Variants in LRRTM4 observed in about 807,000 individuals in gnomAD.
LRRTM4 encodes leucine-rich repeat transmembrane neuronal protein 4.
Under a neutral mutation model 47.6 loss-of-function variants are expected in LRRTM4, and 25 were observed. The observed-to-expected ratio is 0.53, with a 90% CI of 0.38 to 0.73. LRRTM4 has a LOEUF of 0.73. LRRTM4 is among the 30% of genes least tolerant of loss of function. LRRTM4 has a pLI of 0.00. For synonymous variants in LRRTM4, 311 were observed against 269.5 expected (o/e 1.15, Z -1.51); for missense variants, 638 against 713.4 (o/e 0.89, Z 1.20).
intron 3 of LRRTM4, among the ~76,000 whole-genome samples, chr2:76,900,057 A>G (rs1251957865): frequency 6.6e-6 from 1 of 152,026 alleles, no homozygotes; most frequent in African/African-American, 2.4e-5. Flanking sequence ...GGTGAAACCC[A>G]GTCTCTACTA....
chr2:77,510,731 C>A (rs903017568), intron 3 of LRRTM4, among the ~76,000 whole-genome samples: 5 of 151,862 alleles, frequency 3.3e-5, no homozygotes, highest in African/African-American at 4.8e-5. Context: ...AGCAACTCAT[C>A]CATGTTTATC....
intron 3 of LRRTM4, among the ~76,000 whole-genome samples, chr2:77,022,901 C>T (rs1254283970): frequency 2.6e-5 from 4 of 152,298 alleles, no homozygotes; most frequent in Middle Eastern, 6.8e-3. Flanking sequence ...GCTCTCTTCT[C>T]ACAGCTCCAC....
At chr2:76,756,425 A>C (rs768098387) in intron 3 of LRRTM4, among the ~76,000 whole-genome samples, 16 of 152,090 alleles carry the variant, frequency 1.1e-4, no homozygotes, top group Admixed American at 5.9e-4. Flanking sequence ...CCTAGTGACC[A>C]CTTACTCAAG....
At chr2:77,352,297 AC>A (rs760304878) in intron 3 of LRRTM4, among the ~76,000 whole-genome samples, 7 of 152,110 alleles carry the variant, frequency 4.6e-5, no homozygotes, top group Non-Finnish European at 1.0e-4. Context: ...TTGATGTATA[AC>A]CCATCAGATG....
At chr2:76,860,539 A>T (rs530546448) in intron 3 of LRRTM4, among the ~76,000 whole-genome samples, 4 of 152,124 alleles carry the variant, frequency 2.6e-5, no homozygotes, top group African/African-American at 4.8e-5. Context: ...TCCTTCACTT[A>T]AAGAATTTTG....
At chr2:77,403,366 G>T (rs1432506040) in intron 3 of LRRTM4, among the ~76,000 whole-genome samples, 3 of 151,818 alleles carry the variant, frequency 2.0e-5, no homozygotes, top group Non-Finnish European at 4.4e-5. Context: ...ACTTCTTTGA[G>T]GCCAGGAGCT....
chr2:77,128,658 A>G (rs938594938), intron 3 of LRRTM4, among the ~76,000 whole-genome samples: 1 of 152,146 alleles, frequency 6.6e-6, no homozygotes, highest in Non-Finnish European at 1.5e-5. Flanking sequence ...ATGAGACGAA[A>G]TCTCACTCTT....
intron 3 of LRRTM4, among the ~76,000 whole-genome samples, chr2:76,945,326 G>A (rs771045609): frequency 2.8e-4 from 42 of 151,974 alleles, no homozygotes; most frequent in Non-Finnish European, 4.0e-4. Flanking sequence ...TATATTTATC[G>A]GTCTCAGAGT....
At chr2:77,465,800 G>A (rs1676960222) in intron 3 of LRRTM4, among the ~76,000 whole-genome samples, 1 of 152,072 alleles carries the variant, frequency 6.6e-6, no homozygotes, top group South Asian at 2.1e-4. Context: ...TTTCTGTTTG[G>A]ATTTATTTAT....
intron 3 of LRRTM4, among the ~76,000 whole-genome samples, chr2:77,197,999 C>A (rs1270881913): frequency 6.6e-6 from 1 of 152,140 alleles, no homozygotes; most frequent in Non-Finnish European, 1.5e-5. Context: ...ACATGCACGA[C>A]TTTATGTTGA....
intron 3 of LRRTM4, among the ~76,000 whole-genome samples, chr2:77,516,452 T>C (rs1679210604): frequency 6.6e-6 from 1 of 151,776 alleles, no homozygotes; most frequent in Admixed American, 6.6e-5. Flanking sequence ...TCTTGGTGAT[T>C]CTTAAACATA....
chr2:76,874,723 T>C (rs1007337620), intron 3 of LRRTM4, among the ~76,000 whole-genome samples: 2 of 151,924 alleles, frequency 1.3e-5, no homozygotes, highest in African/African-American at 4.8e-5. Flanking sequence ...TCATGACTTC[T>C]TCAGAATAAA....
intron 3 of LRRTM4, among the ~76,000 whole-genome samples, chr2:77,347,179 G>A (rs1463677626): frequency 1.3e-5 from 2 of 152,272 alleles, no homozygotes; most frequent in East Asian, 3.9e-4. Context: ...ACCTTAAAGC[G>A]ATAGTTTTGA....
intron 3 of LRRTM4, among the ~76,000 whole-genome samples, chr2:76,980,782 G>C (rs903600123): frequency 3.3e-5 from 5 of 152,044 alleles, no homozygotes; most frequent in African/African-American, 1.2e-4. Flanking sequence ...AGAAATGCCG[G>C]ATGTACTGAT....
chr2:77,111,605 A>G (rs1292314336), intron 3 of LRRTM4, among the ~76,000 whole-genome samples: 2 of 151,934 alleles, frequency 1.3e-5, no homozygotes, highest in Non-Finnish European at 2.9e-5. Context: ...ACCCCATCCT[A>G]CTTGGTCCTT....
intron 3 of LRRTM4, among the ~76,000 whole-genome samples, chr2:77,161,833 A>G (rs1456646803): frequency 6.6e-6 from 1 of 152,090 alleles, no homozygotes; most frequent in African/African-American, 2.4e-5. Context: ...AATGCAAATG[A>G]TTAAAACTCT....
chr2:76,931,962 T>C (rs1404147828), intron 3 of LRRTM4, among the ~76,000 whole-genome samples: 6 of 151,980 alleles, frequency 3.9e-5, no homozygotes, highest in African/African-American at 9.7e-5. Flanking sequence ...AAAAACAGGG[T>C]TTTAAGACTA....
At chr2:76,881,579 T>C (rs1672930871) in intron 3 of LRRTM4, among the ~76,000 whole-genome samples, 1 of 152,110 alleles carries the variant, frequency 6.6e-6, no homozygotes, top group Middle Eastern at 3.4e-3. Context: ...TTTGGTAATC[T>C]TAACAGTCTG....
chr2:77,208,782 C>T (rs1674211577), intron 3 of LRRTM4, among the ~76,000 whole-genome samples: 1 of 151,984 alleles, frequency 6.6e-6, no homozygotes, highest in African/African-American at 2.4e-5. Flanking sequence ...AAATGCTGAG[C>T]TCAAGGGCCT....
Sources: allele counts gnomAD v4.1 joint callset (sites outside exome capture counted in the v4.1 genomes callset), GRCh38; gene constraint gnomAD v4.1.1; transcripts MANE v1.5; gene names NCBI Gene and HGNC (gene_info 2026-07-23, HGNC 2026-07-21).